The following NLGN1 variants were observed in gnomAD, a reference collection of about 807,000 sequenced individuals.
The protein encoded by NLGN1 is neuroligin-1.
NLGN1 carries 12 observed loss-of-function variants against 65.5 expected under a neutral mutation model. The ratio of observed to expected loss-of-function variants is 0.18; its 90% CI spans 0.12 to 0.30. The LOEUF (loss-of-function observed/expected upper bound fraction) is 0.30. NLGN1 is among the 10% of genes least tolerant of loss of function. The pLI, the probability that NLGN1 is intolerant of heterozygous loss-of-function variation, is 1.00. For missense variants in NLGN1, 750 were observed against 1,007.1 expected (o/e 0.74, Z 3.46); for synonymous variants, 350 against 359.5 (o/e 0.97, Z 0.30).
chr3:174,225,461 G>A (rs1257962401), intron 4 of NLGN1, among the ~76,000 whole-genome samples: 1 of 152,190 alleles, frequency 6.6e-6, no homozygotes, highest in African/African-American at 2.4e-5. Context: ...GCCGGGCGCG[G>A]TGGCTCACGC....
rs184574604 is a variant in NLGN1, at chr3:174,267,261, G to T, written c.647-8054G>T. 6.1e-3 allele frequency among the ~76,000 whole-genome samples: 924 copies of T among 152,284 alleles called. 6 individuals carry two copies. Among genetic ancestry groups the T allele is most frequent in the Non-Finnish European group, 8.7e-3 (590 of 68,028 alleles). On this transcript the variant is annotated intron_variant, in intron 4 of 6. Transcript: ENST00000457714. The stretch of plus-strand genomic sequence containing the variant: ...ACAGCAGCATCTACTTCTGGTGAGA[G>T]CCTCTGGCTTCCACTCATGGTGGGA...
intron 3 of NLGN1, among the ~76,000 whole-genome samples, chr3:173,740,211 T>G (rs889440556): frequency 2.0e-5 from 3 of 152,046 alleles, no homozygotes; most frequent in Admixed American, 2.0e-4. Context: ...CCCTGGAGTC[T>G]GCCATATGAG....
chr3:174,110,575 G>T (rs537494917), intron 4 of NLGN1, among the ~76,000 whole-genome samples: 1 of 151,976 alleles, frequency 6.6e-6, no homozygotes, highest in African/African-American at 2.4e-5. Flanking sequence ...TAACTATTAT[G>T]ACACTAACTC....
At chr3:173,754,316 A>G (rs1360541684) in intron 3 of NLGN1, among the ~76,000 whole-genome samples, 3 of 152,078 alleles carry the variant, frequency 2.0e-5, no homozygotes, top group Admixed American at 2.0e-4. Flanking sequence ...TGCTGGGATT[A>G]CAGAGATGAG....
At chr3:173,559,065 C>G (rs1742203478) in intron 2 of NLGN1, among the ~76,000 whole-genome samples, 1 of 152,038 alleles carries the variant, frequency 6.6e-6, no homozygotes, top group Non-Finnish European at 1.5e-5. Context: ...ATCAGTATTG[C>G]CTCTACCTTT....
intron 2 of NLGN1, among the ~76,000 whole-genome samples, chr3:173,440,735 G>A (rs647296): frequency 0.1 from 15,856 of 152,112 alleles, 1,001 homozygotes; most frequent in Admixed American, 0.15. Flanking sequence ...TAGAGCACAG[G>A]CAGAGTAGAT....
At chr3:173,880,905 C>A (rs1297119068) in intron 4 of NLGN1, among the ~76,000 whole-genome samples, 1 of 152,220 alleles carries the variant, frequency 6.6e-6, no homozygotes, top group East Asian at 1.9e-4. Flanking sequence ...TGTACCACAG[C>A]TAAGTTTATG....
At chr3:173,812,672 A>G (rs1286363327) in intron 4 of NLGN1, among the ~76,000 whole-genome samples, 5 of 151,058 alleles carry the variant, frequency 3.3e-5, no homozygotes, top group Non-Finnish European at 5.9e-5. Flanking sequence ...CTACAACTGC[A>G]CTCCAGCCTG....
chr3:173,990,875 T>G (rs1720954172), intron 4 of NLGN1, among the ~76,000 whole-genome samples: 1 of 152,170 alleles, frequency 6.6e-6, no homozygotes, highest in Non-Finnish European at 1.5e-5. Context: ...ATTTTCTTAT[T>G]AAAACATTTT....
At chr3:173,854,128 T>A (rs999643261) in intron 4 of NLGN1, among the ~76,000 whole-genome samples, 4 of 152,076 alleles carry the variant, frequency 2.6e-5, no homozygotes, top group African/African-American at 9.6e-5. Flanking sequence ...TAAGTTTTTT[T>A]AAGCAAGATA....
At chr3:174,162,345 C>T (rs1395334493) in intron 4 of NLGN1, among the ~76,000 whole-genome samples, 1 of 151,874 alleles carries the variant, frequency 6.6e-6, no homozygotes, top group African/African-American at 2.4e-5. Flanking sequence ...ATCAATAAAA[C>T]ATCTAGGAGC....
At chr3:174,032,728 G>A (rs1435918671) in intron 4 of NLGN1, among the ~76,000 whole-genome samples, 2 of 152,108 alleles carry the variant, frequency 1.3e-5, no homozygotes, top group African/African-American at 4.8e-5. Flanking sequence ...GCAGAGGAAA[G>A]GGAAGAATAA....
intron 3 of NLGN1, among the ~76,000 whole-genome samples, chr3:173,662,047 C>T (rs550196474): frequency 2.7e-4 from 41 of 152,114 alleles, no homozygotes; most frequent in African/African-American, 9.1e-4. Context: ...CTAGTAAATT[C>T]CTTAATCATT....
chr3:174,252,258 G>C (rs1191406676), intron 4 of NLGN1, among the ~76,000 whole-genome samples: 1 of 152,130 alleles, frequency 6.6e-6, no homozygotes, highest in African/African-American at 2.4e-5. Context: ...ATAAAATGTA[G>C]TCTGGAGGAA....
chr3:174,209,293 C>A (rs969550656), intron 4 of NLGN1, among the ~76,000 whole-genome samples: 1 of 152,194 alleles, frequency 6.6e-6, no homozygotes, highest in African/African-American at 2.4e-5. Context: ...TCCATCCTTC[C>A]TTCTGACTGC....
intron 4 of NLGN1, among the ~76,000 whole-genome samples, chr3:174,152,287 A>G (rs1458049267): frequency 2.0e-5 from 3 of 152,216 alleles, no homozygotes; most frequent in African/African-American, 4.8e-5. Flanking sequence ...CTATCCTTCT[A>G]TATACATAAA....
intron 4 of NLGN1, among the ~76,000 whole-genome samples, chr3:173,851,315 C>T (rs187359743): frequency 1.8e-4 from 28 of 152,226 alleles, no homozygotes; most frequent in African/African-American, 6.3e-4. Flanking sequence ...ATAAATCATT[C>T]ATCTACATGA....
chr3:174,137,593 C>T (rs1721449274), intron 4 of NLGN1, among the ~76,000 whole-genome samples: 1 of 152,082 alleles, frequency 6.6e-6, no homozygotes, highest in Non-Finnish European at 1.5e-5. Flanking sequence ...TAAAAACTCT[C>T]ACATCAAGGG....
intron 4 of NLGN1, among the ~76,000 whole-genome samples, chr3:173,818,906 T>TTTTTTTTTTTTTTTTTTTTTTTTTTG (rs1719607170): frequency 6.9e-6 from 1 of 145,252 alleles, no homozygotes. Context: ...TTTTTTTTTT[T>TTTTTTTTTTTTTTTTTTTTTTTTTTG]TTTTTCCAGT....
Sources: allele counts gnomAD v4.1 joint callset (sites outside exome capture counted in the v4.1 genomes callset), GRCh38; gene constraint gnomAD v4.1.1; transcripts MANE v1.5; gene names NCBI Gene and HGNC (gene_info 2026-07-23, HGNC 2026-07-21).